The following RBFOX1 variants were observed in gnomAD, a reference collection of about 807,000 sequenced individuals.
The protein encoded by RBFOX1 is RNA binding fox-1 homolog 1, also known as RNA binding protein fox-1 homolog 1.
A neutral mutation model predicts 57.7 loss-of-function variants in RBFOX1; 8 were observed. The observed-to-expected ratio is 0.14, with a 90% confidence interval of 0.08 to 0.25. RBFOX1 has a LOEUF of 0.25. Ranked by LOEUF, RBFOX1 falls within the 10% of genes least tolerant of loss-of-function variation. RBFOX1 has a pLI of 1.00. For missense variants in RBFOX1, 611 were observed against 548.5 expected (o/e 1.11, Z -1.14); for synonymous variants, 326 against 222.4 (o/e 1.47, Z -4.15).
At chr16:5,589,701 A>G (rs114439368) in intron 2 of RBFOX1, among the ~76,000 whole-genome samples, 4,120 of 152,244 alleles carry the variant, frequency 0.027, 183 homozygotes, top group African/African-American at 0.091. Context: ...CTGTAAGGTT[A>G]CCTAGTCCTC....
chr16:6,032,032 T>C (rs2095298018), intron 1 of RBFOX1, among the ~76,000 whole-genome samples: 1 of 152,112 alleles, frequency 6.6e-6, no homozygotes, highest in Admixed American at 6.6e-5. Context: ...GGGAAATGCT[T>C]TGGGGACTTC....
chr16:5,904,868 T>C (rs1356301382), intron 4 of RBFOX1, among the ~76,000 whole-genome samples: 42 of 149,706 alleles, frequency 2.8e-4, no homozygotes, highest in Non-Finnish European at 5.9e-5. Flanking sequence ...TCCCAGCTAC[T>C]CGGGAGGCTG....
chr16:5,893,621 A>G (rs146673201), intron 4 of RBFOX1, among the ~76,000 whole-genome samples: 46 of 152,270 alleles, frequency 3.0e-4, no homozygotes, highest in African/African-American at 1.1e-3. Context: ...AACCTGGCCA[A>G]CGTGGCAAAA....
rs188111485 is a variant in RBFOX1, at chr16:6,104,630, C to G, written c.-127+84638C>G. The stretch of plus-strand genomic sequence containing the variant: ...CTATCGTGTTCCTAGCAGCATAATT[C>G]AAAATAGCCCAGAAGTGTAAGCAGT... On this transcript the variant is annotated intron_variant, in intron 1 of 15. Coordinates refer to ENST00000550418, the MANE Select transcript of RBFOX1 (RefSeq NM_018723.4). Among the ~76,000 whole-genome samples the G allele has an allele frequency of 7.7e-4, 117 of 152,246 alleles. 1 individual carries two copies. The highest frequency in any genetic ancestry group is 2.5e-3 in the African/African-American group (103 of 41,554).
intron 1 of RBFOX1, among the ~76,000 whole-genome samples, chr16:6,311,454 A>C (rs1301336305): frequency 6.6e-6 from 1 of 152,168 alleles, no homozygotes; most frequent in Non-Finnish European, 1.5e-5. Context: ...GATGGGAAGC[A>C]AAAGGAGATG....
At chr16:7,600,670 G>A (rs1219023356) in intron 9 of RBFOX1, among the ~76,000 whole-genome samples, 1 of 152,184 alleles carries the variant, frequency 6.6e-6, no homozygotes. Flanking sequence ...TCCAGGTGAT[G>A]AAATATAGTT....
chr16:6,585,887 A>G (rs1216366773), intron 2 of RBFOX1, among the ~76,000 whole-genome samples: 1 of 152,218 alleles, frequency 6.6e-6, no homozygotes, highest in Non-Finnish European at 1.5e-5. Context: ...TGAGTATTGT[A>G]GAAGTATCAT....
At chr16:6,647,532 G>C (rs1467897738) in intron 2 of RBFOX1, among the ~76,000 whole-genome samples, 2 of 152,098 alleles carry the variant, frequency 1.3e-5, no homozygotes, top group African/African-American at 4.8e-5. Flanking sequence ...ATAGGCGTGA[G>C]CCACCACACC....
Position 7,052,061 on chromosome 16 carries a change from C to G in RBFOX1, c.-11C>G. 2 of 1,612,470 alleles carry G rather than the reference C, an allele frequency of 1.2e-6. No homozygotes were observed. The highest frequency in any genetic ancestry group is 1.1e-5 in the South Asian group (1 of 90,658). On this transcript the variant is annotated 5_prime_UTR_variant, in exon 4 of 16. Transcript: ENST00000550418. ...TTCATTTTCTTTTCTTTCTAGGTTT[C>G]AAGACAACAGATGAATTGTGAAAGA...
intron 2 of RBFOX1, among the ~76,000 whole-genome samples, chr16:5,542,114 G>A (rs139588168): frequency 5.7e-4 from 86 of 152,208 alleles, no homozygotes; most frequent in Non-Finnish European, 1.1e-3. Context: ...GAACATGATG[G>A]TAGCCGTCAG....
At chr16:7,695,918 T>C (rs936804042) in intron 14 of RBFOX1, among the ~76,000 whole-genome samples, 1 of 152,208 alleles carries the variant, frequency 6.6e-6, no homozygotes, top group Non-Finnish European at 1.5e-5. Context: ...GTCACATTGA[T>C]GCCCATGGTG....
At chr16:7,190,826 G>C (rs1430058339) in intron 4 of RBFOX1, among the ~76,000 whole-genome samples, 1 of 152,172 alleles carries the variant, frequency 6.6e-6, no homozygotes, top group South Asian at 2.1e-4. Context: ...GTTACGTTGA[G>C]CTTATCTGCA....
chr16:7,703,075 A>T (rs575335228), intron 14 of RBFOX1, among the ~76,000 whole-genome samples: 2 of 151,838 alleles, frequency 1.3e-5, no homozygotes, highest in South Asian at 4.2e-4. Flanking sequence ...TAGCTAGACC[A>T]TGGCTCTCTA....
chr16:6,747,671 A>G (rs1358718947), intron 3 of RBFOX1, among the ~76,000 whole-genome samples: 2 of 152,046 alleles, frequency 1.3e-5, no homozygotes, highest in African/African-American at 4.8e-5. Context: ...CACCCCTACT[A>G]TGTCCTTCTG....
intron 4 of RBFOX1, among the ~76,000 whole-genome samples, chr16:5,869,329 G>A (rs757767268): frequency 1.3e-5 from 2 of 152,046 alleles, no homozygotes; most frequent in Non-Finnish European, 2.9e-5. Flanking sequence ...TCTTATATCT[G>A]CATCTTATTT....
chr16:5,548,979 G>C (rs753052195), intron 2 of RBFOX1, among the ~76,000 whole-genome samples: 14 of 152,206 alleles, frequency 9.2e-5, no homozygotes, highest in Non-Finnish European at 1.5e-4. Flanking sequence ...TAGTAATGAA[G>C]ATAAGGTGAT....
At position 5,764,018 on chromosome 16, in the gene RBFOX1, A is replaced by G. The variant is rs79620432; in HGVS notation, c.319-103285A>G. Among the ~76,000 whole-genome samples, 1,255 of 152,274 alleles carry G rather than the reference A, an allele frequency of 8.2e-3. 6 individuals carry two copies. Among genetic ancestry groups the G allele is most frequent in the Middle Eastern group, 0.02 (6 of 294 alleles). On this transcript the variant is annotated intron_variant, in intron 3 of 19. Coordinates refer to the RBFOX1 transcript ENST00000641259. ...CAAGGGCAGGTACTTTATCCTATTC[A>G]TTGCTGTACCCCCGTGGTTAGAATC...
chr16:5,248,171 A>G (rs2062351021), intron 1 of RBFOX1, among the ~76,000 whole-genome samples: 2 of 152,190 alleles, frequency 1.3e-5, no homozygotes. Context: ...CTAGGAAGGG[A>G]GATAAAAGAA....
intron 4 of RBFOX1, among the ~76,000 whole-genome samples, chr16:7,177,348 G>A (rs994148359): frequency 6.6e-6 from 1 of 152,174 alleles, no homozygotes. Flanking sequence ...CAAGGAACAA[G>A]TAGAGTTTCC....
Sources: allele counts gnomAD v4.1 joint callset (sites outside exome capture counted in the v4.1 genomes callset), GRCh38; gene constraint gnomAD v4.1.1; transcripts MANE v1.5; gene names NCBI Gene and HGNC (gene_info 2026-07-23, HGNC 2026-07-21).